WDHD1: variants seen among roughly 807,000 people sequenced by gnomAD.
WDHD1 encodes the protein WD repeat and HMG-box DNA-binding protein 1.
WDHD1 carries 111 observed loss-of-function variants against 135.4 expected under a neutral mutation model. That is an observed-to-expected ratio of 0.82 (90% CI 0.70 to 0.96). The LOEUF (loss-of-function observed/expected upper bound fraction) is 0.96. Ranked by LOEUF, WDHD1 falls within the 40% of genes least tolerant of loss-of-function variation. The probability of loss-of-function intolerance (pLI) is 0.00; values close to 1 mark genes in which losing one functional copy is unlikely to be tolerated. For synonymous variants in WDHD1, 434 were observed against 439.0 expected, an observed-to-expected ratio of 0.99 and a Z score of 0.14; for missense variants, 1,351 against 1,336.3, an observed-to-expected ratio of 1.01 and a Z score of -0.17.
Position 54,958,026 on chromosome 14 carries a change from T to A in WDHD1, c.2702-391A>T, listed in dbSNP as rs75643975. Among the ~76,000 whole-genome samples the A allele has an allele frequency of 2.3e-3, 356 of 152,288 alleles. 2 individuals carry two copies. Among genetic ancestry groups the A allele is most frequent in the African/African-American group, 8.1e-3 (337 of 41,556 alleles). Reference sequence around the variant, plus strand: ...TACATCTTTGACTTTTCCCTATTTATTGGCCCCTAAAGTCTCCCAACTTAA... The same window carrying A: ...TACATCTTTGACTTTTCCCTATTTAATGGCCCCTAAAGTCTCCCAACTTAA... On this transcript the variant is annotated intron_variant, in intron 21 of 25. Transcript: ENST00000360586.
Position 54,967,363 on chromosome 14 carries a change from G to A in WDHD1, c.2095C>T (p.Pro699Ser). The change falls in exon 17 of 26, where the codon CCA becomes TCA. Residue 699 changes from proline to serine, a missense_variant. Transcript: ENST00000360586. ...GCAACAGCAGGGCGTGGAAGGGTTGGGGGAAACCGAGAACCTTTACAAGGA... is the reference window on the plus strand; with the variant it reads ...GCAACAGCAGGGCGTGGAAGGGTTGAGGGAAACCGAGAACCTTTACAAGGA... Reference protein sequence around the residue: ...CIPCKGSRFPPTLPRPAVAIL... With the variant: ...CIPCKGSRFPSTLPRPAVAIL... 1.2e-6 allele frequency: 2 copies of A among 1,612,008 alleles called. No individual in the cohort carries two copies. The highest frequency in any genetic ancestry group is 1.7e-6 in the Non-Finnish European group (2 of 1,178,766).
intron 3 of WDHD1, among the ~76,000 whole-genome samples, chr14:55,011,416 T>A (rs1350759314): frequency 6.8e-6 from 1 of 146,342 alleles, no homozygotes; most frequent in Non-Finnish European, 1.5e-5. Context: ...GCCAGCTGTT[T>A]GGGAGGCTGA....
At chr14:55,001,088 C>A in intron 8 of WDHD1, 96 bp from the exon 9 acceptor site, 2 of 828,210 alleles carry the variant, frequency 2.4e-6, no homozygotes, top group Non-Finnish European at 3.4e-6. Flanking sequence ...CATTTTTTTT[C>A]AAGAATTTGG....
chr14:55,008,266 T>C (rs1459381430), intron 6 of WDHD1, 50 bp downstream of exon 6: 1 of 1,570,140 alleles, frequency 6.4e-7, no homozygotes, highest in Non-Finnish European at 8.7e-7. Flanking sequence ...CATATAACAA[T>C]TTATTACAGA....
intron 16 of WDHD1, among the ~76,000 whole-genome samples, chr14:54,968,740 A>T (rs1050750796): frequency 6.6e-6 from 1 of 152,116 alleles, no homozygotes; most frequent in African/African-American, 2.4e-5. Flanking sequence ...GAACACTTCT[A>T]TGTGCACAAA....
chr14:55,003,187 A>G (rs1428899871), intron 7 of WDHD1, among the ~76,000 whole-genome samples: 1 of 152,084 alleles, frequency 6.6e-6, no homozygotes, highest in Admixed American at 6.6e-5. Flanking sequence ...GAGCTCAATT[A>G]TCACTTAAAT....
rs973813482 is a variant in WDHD1 at position 55,002,769 on chromosome 14, T to C, written c.601-584A>G. Among the ~76,000 whole-genome samples the C allele has an allele frequency of 2.6e-4, 40 of 152,146 alleles. 1 individual carries two copies. Among genetic ancestry groups the C allele is most frequent in the Admixed American group, 6.5e-5 (1 of 15,280 alleles). ...ACAGCCCAACTAATTTTTTTCCTGT[T>C]TTTTTGTAGAGATGGGGTCTCACTG... On this transcript the variant is annotated intron_variant, in intron 7 of 25. Coordinates refer to ENST00000360586, the MANE Select transcript of WDHD1 (RefSeq NM_007086.4).
chr14:54,941,553 C>CT lies in WDHD1; in HGVS notation c.3326dup (p.Gln1110AlafsTer18). 1.2e-6 allele frequency: 2 copies of CT among 1,613,846 alleles called. No homozygotes were observed. The highest frequency in any genetic ancestry group is 1.7e-6 in the Non-Finnish European group (2 of 1,179,912). ...TTGTAGAAAAATCTAAAGGTTTCTG[C>CT]TTTTTAGACAAATTCAGGTTCTCTT... On this transcript the variant is annotated frameshift_variant, in exon 26 of 26. Coordinates refer to ENST00000360586, the MANE Select transcript of WDHD1 (RefSeq NM_007086.4). LOFTEE classifies it high-confidence loss of function.
At chr14:54,985,259 G>A (rs555520656) in intron 14 of WDHD1, among the ~76,000 whole-genome samples, 2 of 152,300 alleles carry the variant, frequency 1.3e-5, no homozygotes, top group East Asian at 1.9e-4. Context: ...GATACAGAAT[G>A]TCAGAGTGGT....
intron 10 of WDHD1, among the ~76,000 whole-genome samples, chr14:54,996,621 C>T (rs2041883963): frequency 6.6e-6 from 1 of 151,940 alleles, no homozygotes; most frequent in South Asian, 2.1e-4. Context: ...ATTTTTAGAT[C>T]ATTTCAAAAA....
chr14:54,998,410 G>A (rs897551578), intron 10 of WDHD1, among the ~76,000 whole-genome samples: 6 of 152,042 alleles, frequency 3.9e-5, no homozygotes, highest in East Asian at 1.9e-4. Flanking sequence ...GATTACAGCC[G>A]TGAGCCACCG....
Position 54,974,231 on chromosome 14 carries a change from G to A in WDHD1, c.2064-6837C>T, listed in dbSNP as rs1036810682. On this transcript the variant is annotated intron_variant, in intron 16 of 25. Coordinates refer to ENST00000360586, the MANE Select transcript of WDHD1 (RefSeq NM_007086.4). ...GAGCTCAGGAGCTCAAGACCAGCTC[G>A]GGCTACATAGCAAAACCTCGTCTCT... Among the ~76,000 whole-genome samples the A allele has an allele frequency of 3.3e-5, 5 of 151,870 alleles. No homozygotes were observed. In the South Asian group the frequency reaches 6.2e-4, roughly 19 times the overall value.
chr14:54,977,484 C>T (rs1437840634), intron 16 of WDHD1, among the ~76,000 whole-genome samples: 1 of 151,928 alleles, frequency 6.6e-6, no homozygotes, highest in Non-Finnish European at 1.5e-5. Flanking sequence ...GAGGATCACT[C>T]GAGGTTAGTT....
At chr14:54,972,054 C>T (rs2041443363) in intron 16 of WDHD1, among the ~76,000 whole-genome samples, 2 of 151,252 alleles carry the variant, frequency 1.3e-5, no homozygotes, top group Non-Finnish European at 2.9e-5. Context: ...GGGTGGATCA[C>T]GAGGTCAGGA....
intron 13 of WDHD1, 140 bp downstream of exon 13, chr14:54,988,888 G>T: frequency 1.5e-6 from 1 of 659,788 alleles, no homozygotes; most frequent in Non-Finnish European, 2.5e-6. Context: ...TTTTGGGTGT[G>T]CTGGTGTTTG....
chr14:54,982,809 G>C (rs2041639351), intron 15 of WDHD1, among the ~76,000 whole-genome samples: 1 of 152,156 alleles, frequency 6.6e-6, no homozygotes, highest in Non-Finnish European at 1.5e-5. Context: ...TGAAGAACAT[G>C]AATCTCCAAA....
intron 22 of WDHD1, 90 bp downstream of exon 22, chr14:54,957,502 A>G: frequency 8.3e-7 from 1 of 1,207,330 alleles, no homozygotes; most frequent in Admixed American, 2.5e-5. Context: ...CATGCCTCCA[A>G]GTCTGGGGAG....
At chr14:54,956,800 G>C (rs1329171754) in intron 23 of WDHD1, among the ~76,000 whole-genome samples, 1 of 152,092 alleles carries the variant, frequency 6.6e-6, no homozygotes, top group Admixed American at 6.5e-5. Context: ...ATGTTTCCCA[G>C]ACTGGACTCA....
chr14:54,976,143 C>G (rs2041520807), intron 16 of WDHD1, among the ~76,000 whole-genome samples: 1 of 152,074 alleles, frequency 6.6e-6, no homozygotes, highest in Admixed American at 6.5e-5. Context: ...CATTGGCTTT[C>G]CAGAGAAGCA....
Sources: gnomAD v4.1 joint callset for allele counts (sites outside exome capture counted in the v4.1 genomes callset) on GRCh38, gnomAD v4.1.1 for gene constraint, MANE v1.5 for transcripts, NCBI Gene and HGNC (gene_info 2026-07-23, HGNC 2026-07-21) for gene names.